The following VPS13D variants were observed in gnomAD, a reference collection of about 807,000 sequenced individuals.
VPS13D encodes the protein vacuolar protein sorting 13 homolog D, also known as intermembrane lipid transfer protein VPS13D.
A neutral mutation model predicts 461.9 loss-of-function variants in VPS13D; 187 were observed. The observed-to-expected ratio is 0.40, with a 90% confidence interval of 0.36 to 0.46. The LOEUF (loss-of-function observed/expected upper bound fraction) is 0.46. VPS13D is among the 20% of genes least tolerant of loss of function. The probability of loss-of-function intolerance (pLI) is 0.60; values close to 1 mark genes in which losing one functional copy is unlikely to be tolerated. For synonymous variants in VPS13D, 1,951 were observed against 1,986.3 expected (o/e 0.98, Z 0.47); for missense variants, 4,711 against 5,364.9 (o/e 0.88, Z 3.81).
At position 12,299,399 on chromosome 1, in the gene VPS13D, T is replaced by TC. The variant is rs1392201691; in HGVS notation, c.6216+17dup. 6.3e-7 allele frequency: 1 copy of TC among 1,588,640 alleles called. No homozygotes were observed. The highest frequency in any genetic ancestry group is 8.5e-7 in the Non-Finnish European group (1 of 1,170,756). ...TACAAGATAAGGTGAGCAATCAGTA[T>TC]CCATTTCCTTTTCCGTTCAGCTAGT... On this transcript the variant is annotated intron_variant, in intron 25 of 69. Coordinates refer to ENST00000620676, the MANE Select transcript of VPS13D (RefSeq NM_015378.4). The surrounding 1 kb of genome is among the most constrained non-coding windows in gnomAD (Gnocchi z 4.2).
rs751358601 is a variant in VPS13D at position 12,275,816 on chromosome 1, T to TA, written c.2237-8dup. 1.0e-5 allele frequency: 16 copies of TA among 1,551,342 alleles called. No homozygotes were observed. Among genetic ancestry groups the TA allele is most frequent in the South Asian group, 8.5e-5 (7 of 82,338 alleles). ...ACATATATTTGAATCTTCTTTTTTT[T>TA]ATCTTCAGATAACTCCAGGAGGAAA... On this transcript the variant is annotated splice_polypyrimidine_tract_variant and intron_variant, in intron 18 of 69. Coordinates refer to ENST00000620676, the MANE Select transcript of VPS13D (RefSeq NM_015378.4).
intron 22 of VPS13D, among the ~76,000 whole-genome samples, chr1:12,288,874 C>T (rs980918065): frequency 3.9e-5 from 6 of 152,110 alleles, no homozygotes; most frequent in Non-Finnish European, 8.8e-5. Flanking sequence ...CAGGATCTCG[C>T]TTGGTTGCCC....
At chr1:12,361,357 T>TTTTTTA (rs1186772171) in intron 50 of VPS13D, among the ~76,000 whole-genome samples, 4 of 150,592 alleles carry the variant, frequency 2.7e-5, no homozygotes, top group Non-Finnish European at 4.4e-5. Context: ...TCCCACTGAA[T>TTTTTTA]TTTTTATTTT....
At position 12,354,003 on chromosome 1, in the gene VPS13D, A is replaced by T; in HGVS notation, c.9461A>T (p.Tyr3154Phe). Reference protein sequence around the residue: ...RFCVAIKKENYPDYMPSNIFS... With the variant: ...RFCVAIKKENFPDYMPSNIFS... ...TGTGTGGCTATAAAGAAAGAGAATT[A>T]TCCAGATTATATGCCCTCAAACATA... The change falls in exon 47 of 70, where the codon TAT becomes TTT. Residue 3154 changes from tyrosine (Y) to phenylalanine (F), a missense_variant. Tyr to Phe is a conservative substitution (Grantham distance 22). Transcript: ENST00000620676. 6.2e-7 allele frequency: 1 copy of T among 1,614,184 alleles called. No homozygotes were observed. Among genetic ancestry groups the T allele is most frequent in the Non-Finnish European group, 8.5e-7 (1 of 1,180,022 alleles).
At chr1:12,325,369 C>T (rs1643153535) in intron 35 of VPS13D, among the ~76,000 whole-genome samples, 1 of 152,170 alleles carries the variant, frequency 6.6e-6, no homozygotes, top group African/African-American at 2.4e-5. Context: ...AAGTGATACT[C>T]CTGCCTCAGC....
At chr1:12,429,819 T>C (rs544278056) in intron 65 of VPS13D, among the ~76,000 whole-genome samples, 99 of 152,256 alleles carry the variant, frequency 6.5e-4, no homozygotes, top group Non-Finnish European at 1.2e-3. Flanking sequence ...GTGGGCACTA[T>C]TGATTGGACC....
At chr1:12,383,297 C>A in intron 58 of VPS13D, 142 bp downstream of exon 58, 2 of 871,272 alleles carry the variant, frequency 2.3e-6, no homozygotes, top group South Asian at 2.2e-5. Context: ...GGGATAGGAT[C>A]TACCTCACAA....
At chr1:12,470,844 C>T (rs996005571) in intron 67 of VPS13D, among the ~76,000 whole-genome samples, 5 of 152,154 alleles carry the variant, frequency 3.3e-5, no homozygotes, top group African/African-American at 1.2e-4. Flanking sequence ...GGGGTAATTA[C>T]AGGCATTTTT....
intron 55 of VPS13D, among the ~76,000 whole-genome samples, chr1:12,376,690 G>A (rs1644203519): frequency 6.6e-6 from 1 of 152,222 alleles, no homozygotes. Context: ...CTTGTAGAAT[G>A]TGATAAAAAG....
At chr1:12,370,827 T>C (rs1417638799) in intron 54 of VPS13D, among the ~76,000 whole-genome samples, 1 of 152,196 alleles carries the variant, frequency 6.6e-6, no homozygotes, top group Non-Finnish European at 1.5e-5. Context: ...TACTAAGCTC[T>C]TTAACTGAAG....
Position 12,369,509 on chromosome 1 carries a change from C to T in VPS13D, c.10615C>T (p.Leu3539Phe), listed in dbSNP as rs777585193. ...FTQHGVAEPR[L>F]RTEVKPMTSL... The stretch of plus-strand genomic sequence containing the variant: ...TCAGCATGGCGTAGCTGAACCCAGG[C>T]TCCGGACTGAAGTGAAGCCCATGAC... Residue 3539 changes from leucine (L) to phenylalanine (F), a missense_variant, in exon 54 of 70, where the codon CTC becomes TTC. This residue lies in a region of VPS13D where 4,411 missense variants were observed against 4,937.8 expected (regional missense o/e 0.89). Coordinates refer to ENST00000620676, the MANE Select transcript of VPS13D (RefSeq NM_015378.4). The T allele has an allele frequency of 1.5e-5, 25 of 1,614,084 alleles. No homozygotes were observed. Among genetic ancestry groups the T allele is most frequent in the Non-Finnish European group, 1.9e-5 (22 of 1,180,042 alleles).
At chr1:12,453,231 G>GAT (rs1645285845) in intron 65 of VPS13D, among the ~76,000 whole-genome samples, 1 of 152,056 alleles carries the variant, frequency 6.6e-6, no homozygotes, top group Non-Finnish European at 1.5e-5. Context: ...AAGAGGGAGT[G>GAT]ATATTGGGTA....
At chr1:12,459,084 A>G (rs1478887387) in intron 66 of VPS13D, among the ~76,000 whole-genome samples, 1 of 152,234 alleles carries the variant, frequency 6.6e-6, no homozygotes, top group Non-Finnish European at 1.5e-5. Context: ...TCACCCCCAT[A>G]GTGTTCTTTG....
chr1:12,389,874 G>A (rs1191337049), intron 60 of VPS13D, among the ~76,000 whole-genome samples: 1 of 152,222 alleles, frequency 6.6e-6, no homozygotes, highest in African/African-American at 2.4e-5. Flanking sequence ...AATCCTAAGA[G>A]ATGCCCTAAT....
chr1:12,240,690 A>G (rs568924622), intron 2 of VPS13D, among the ~76,000 whole-genome samples: 1 of 151,774 alleles, frequency 6.6e-6, no homozygotes, highest in East Asian at 1.9e-4. Context: ...GTCTGTTTCA[A>G]CCAAGGAAAA....
At chr1:12,361,360 TTTA>T (rs1433013216) in intron 50 of VPS13D, among the ~76,000 whole-genome samples, 1 of 150,266 alleles carries the variant, frequency 6.7e-6, no homozygotes, top group Non-Finnish European at 1.5e-5. Context: ...CACTGAATTT[TTTA>T]TTTTTATTTT....
chr1:12,273,842 C>T (rs1641528292), intron 18 of VPS13D, among the ~76,000 whole-genome samples: 1 of 152,102 alleles, frequency 6.6e-6, no homozygotes, highest in African/African-American at 2.4e-5. Flanking sequence ...TGCTATTAGG[C>T]ATATTGCTGC....
chr1:12,238,804 T>C (rs1232828292), intron 2 of VPS13D, among the ~76,000 whole-genome samples: 1 of 151,830 alleles, frequency 6.6e-6, no homozygotes, highest in Non-Finnish European at 1.5e-5. Context: ...CCTGGGTGAT[T>C]TTTTATTTTT....
intron 55 of VPS13D, 109 bp downstream of exon 55, chr1:12,373,967 G>T (rs1644161468): frequency 1.3e-6 from 1 of 762,844 alleles, no homozygotes; most frequent in Non-Finnish European, 2.0e-6. Context: ...ATAGGGACTT[G>T]TGTGGAACCC....
Sources: allele counts gnomAD v4.1 joint callset (sites outside exome capture counted in the v4.1 genomes callset), GRCh38; gene constraint gnomAD v4.1.1; regional missense constraint gnomAD v4.1.1; non-coding constraint Gnocchi (gnomAD v3.1); transcripts MANE v1.5; gene names NCBI Gene and HGNC (gene_info 2026-07-23, HGNC 2026-07-21).